The following CCSER1 variants were observed in gnomAD, a reference collection of about 807,000 sequenced individuals.
The protein encoded by CCSER1 is coiled-coil serine rich protein 1, also known as serine-rich coiled-coil domain-containing protein 1.
In CCSER1, 41 loss-of-function variants were observed where a neutral mutation model predicts 82.0. The ratio of observed to expected loss-of-function variants is 0.50; its 90% CI spans 0.39 to 0.65. The LOEUF (loss-of-function observed/expected upper bound fraction) is 0.65. CCSER1 is among the 30% of genes least tolerant of loss of function. The probability of loss-of-function intolerance (pLI) is 0.00; values close to 1 mark genes in which losing one functional copy is unlikely to be tolerated. For synonymous variants in CCSER1, 414 were observed against 383.9 expected (o/e 1.08, Z -0.92); for missense variants, 1,119 against 1,064.2 (o/e 1.05, Z -0.72).
chr4:90,766,766 A>G (rs1048871457), intron 7 of CCSER1, among the ~76,000 whole-genome samples: 8 of 152,170 alleles, frequency 5.3e-5, no homozygotes, highest in Admixed American at 1.3e-4. Context: ...TTCCTTCTCT[A>G]TATTCACACA....
At chr4:91,504,837 T>G (rs1281303263) in intron 10 of CCSER1, among the ~76,000 whole-genome samples, 1 of 152,144 alleles carries the variant, frequency 6.6e-6, no homozygotes, top group Non-Finnish European at 1.5e-5. Context: ...TTCACTTGAG[T>G]GATAAACCAA....
At chr4:91,153,314 C>T (rs1156963603) in intron 10 of CCSER1, among the ~76,000 whole-genome samples, 1 of 151,912 alleles carries the variant, frequency 6.6e-6, no homozygotes, top group Non-Finnish European at 1.5e-5. Context: ...GCTCTTGAAG[C>T]TTGTGCATGC....
At chr4:90,439,826 C>G (rs1272964059) in intron 4 of CCSER1, among the ~76,000 whole-genome samples, 1 of 152,068 alleles carries the variant, frequency 6.6e-6, no homozygotes, top group Non-Finnish European at 1.5e-5. Flanking sequence ...TTTCAGAGTC[C>G]AGATGTTCTA....
intron 10 of CCSER1, among the ~76,000 whole-genome samples, chr4:91,357,294 G>C (rs7677056): frequency 0.088 from 13,453 of 152,148 alleles, 794 homozygotes; most frequent in Non-Finnish European, 0.13. Flanking sequence ...TTTTAATAAA[G>C]CCTTGTAGAC....
intron 9 of CCSER1, among the ~76,000 whole-genome samples, chr4:90,997,246 A>G (rs2150464625): frequency 1.3e-5 from 2 of 152,162 alleles, no homozygotes; most frequent in South Asian, 4.1e-4. Context: ...TTTCTTGATC[A>G]TGGCACCATC....
At chr4:90,394,091 TCTTA>T (rs1258699323) in intron 3 of CCSER1, among the ~76,000 whole-genome samples, 1 of 151,136 alleles carries the variant, frequency 6.6e-6, no homozygotes, top group African/African-American at 2.4e-5. Flanking sequence ...AATGGTTACA[TCTTA>T]CTTTTTTTTT....
At chr4:90,178,986 T>C (rs373797067) in intron 1 of CCSER1, among the ~76,000 whole-genome samples, 4 of 152,272 alleles carry the variant, frequency 2.6e-5, no homozygotes, top group South Asian at 4.1e-4. Flanking sequence ...TACGCATACA[T>C]ATATGCACAA....
At chr4:90,887,626 G>T (rs1722330141) in intron 8 of CCSER1, among the ~76,000 whole-genome samples, 1 of 152,198 alleles carries the variant, frequency 6.6e-6, no homozygotes, top group Non-Finnish European at 1.5e-5. Flanking sequence ...GCTCACGCCT[G>T]TAATCCCAGC....
intron 10 of CCSER1, among the ~76,000 whole-genome samples, chr4:91,360,570 C>A (rs1363328480): frequency 2.0e-5 from 3 of 151,710 alleles, no homozygotes; most frequent in Admixed American, 1.3e-4. Context: ...TTCCCCAATC[C>A]CAGATCCCTG....
intron 1 of CCSER1, among the ~76,000 whole-genome samples, chr4:90,132,648 T>A (rs2153316985): frequency 6.6e-6 from 1 of 152,336 alleles, no homozygotes; most frequent in Non-Finnish European, 1.5e-5. Context: ...AGGTGTTTGT[T>A]GGAAATATTT....
At chr4:91,138,943 A>G (rs1257138617) in intron 10 of CCSER1, among the ~76,000 whole-genome samples, 1 of 152,164 alleles carries the variant, frequency 6.6e-6, no homozygotes, top group Non-Finnish European at 1.5e-5. Context: ...GGCATATGGC[A>G]TGATGCTGAG....
At chr4:90,206,647 G>A (rs1738891107) in intron 1 of CCSER1, among the ~76,000 whole-genome samples, 1 of 152,002 alleles carries the variant, frequency 6.6e-6, no homozygotes, top group South Asian at 2.1e-4. Flanking sequence ...GTGTGATGTG[G>A]TGCTGAGAAG....
At chr4:90,139,244 C>A (rs1264823017) in intron 1 of CCSER1, among the ~76,000 whole-genome samples, 1 of 152,134 alleles carries the variant, frequency 6.6e-6, no homozygotes, top group African/African-American at 2.4e-5. Flanking sequence ...TGGTATTGAT[C>A]TGCTGGTCAG....
At chr4:91,143,010 G>A (rs1483959619) in intron 10 of CCSER1, among the ~76,000 whole-genome samples, 1 of 152,026 alleles carries the variant, frequency 6.6e-6, no homozygotes, top group Admixed American at 6.6e-5. Context: ...TCTTAATACT[G>A]TGAAAAATGA....
chr4:90,608,476 A>G (rs1298913027), intron 5 of CCSER1, among the ~76,000 whole-genome samples: 2 of 152,190 alleles, frequency 1.3e-5, no homozygotes, highest in Non-Finnish European at 2.9e-5. Flanking sequence ...AGCTAAGCAC[A>G]CGATATCCCA....
rs1027060426 is a variant in CCSER1 at position 90,385,762 on chromosome 4, T to C, written c.1510-14274T>C. ...TAGTGATGTTAAGCATTTTTTCATA[T>C]ATTTCTTGGCCATTTGTATATCTTC... is the stretch of plus-strand genomic sequence containing the variant. On this transcript the variant is annotated intron_variant, in intron 3 of 10. Transcript: ENST00000509176. 2.0e-5 allele frequency among the ~76,000 whole-genome samples: 3 copies of C among 152,186 alleles called. 1 individual carries two copies. Among genetic ancestry groups the C allele is most frequent in the Admixed American group, 2.0e-4 (3 of 15,274 alleles).
At chr4:91,296,483 A>T (rs185477876) in intron 10 of CCSER1, among the ~76,000 whole-genome samples, 1,517 of 122,502 alleles carry the variant, frequency 0.012, 58 homozygotes, top group African/African-American at 0.031. Flanking sequence ...ATATATATAT[A>T]TATTTTAATT....
intron 10 of CCSER1, among the ~76,000 whole-genome samples, chr4:91,378,138 T>C (rs1359825069): frequency 6.6e-6 from 1 of 152,192 alleles, no homozygotes; most frequent in African/African-American, 2.4e-5. Context: ...TGCCATGCTG[T>C]TTTGGTTACC....
Position 90,576,545 on chromosome 4 carries a change from CT to C in CCSER1, c.1725-51479del, listed in dbSNP as rs200383163. ...ATTTATCCCTCCCTCCACTCACCCCCTAACAACCACTGATGCTTTTTCTTTT... is the reference window on the plus strand; with the variant it reads ...ATTTATCCCTCCCTCCACTCACCCCCAACAACCACTGATGCTTTTTCTTTT... On this transcript the variant is annotated intron_variant, in intron 5 of 10. Coordinates refer to ENST00000509176, the MANE Select transcript of CCSER1 (RefSeq NM_001145065.2). Among the ~76,000 whole-genome samples the C allele has an allele frequency of 3.8e-3, 581 of 152,292 alleles. 4 individuals carry two copies. The highest frequency in any genetic ancestry group is 0.013 in the African/African-American group (553 of 41,572).
Sources: gnomAD v4.1 joint callset for allele counts (sites outside exome capture counted in the v4.1 genomes callset) on GRCh38, gnomAD v4.1.1 for gene constraint, MANE v1.5 for transcripts, NCBI Gene and HGNC (gene_info 2026-07-23, HGNC 2026-07-21) for gene names.